Variants in MRGPRF observed in about 807,000 individuals in gnomAD.
MRGPRF encodes the protein mas-related G protein-coupled receptor member F.
In MRGPRF, 2 loss-of-function variants were observed where a neutral mutation model predicts 3.3. The ratio of observed to expected loss-of-function variants is 0.61; its 90% CI spans 0.25 to 1.92. The LOEUF is 1.92. Among genes scored for constraint, MRGPRF ranks in the 40% most tolerant of loss-of-function variants. The pLI is 0.16. For missense variants in MRGPRF, 500 were observed against 476.0 expected, an observed-to-expected ratio of 1.05 and a Z score of -0.47; for synonymous variants, 242 against 222.7, an observed-to-expected ratio of 1.09 and a Z score of -0.77.
rs1860638096 is a variant in MRGPRF, at chr11:69,013,150, C to T, written c.-124G>A. The stretch of plus-strand genomic sequence containing the variant: ...CTCTTCCTGTGACTCCCGCCTCCGG[C>T]CGGCGGACCCGCCGGGGCAGCAGGC... On this transcript the variant is annotated 5_prime_UTR_variant, in exon 1 of 3. Transcript: ENST00000309099. 1 of 152,522 alleles carries T rather than the reference C, an allele frequency of 6.6e-6. No individual in the cohort carries two copies. The highest frequency in any genetic ancestry group is 1.5e-5 in the Non-Finnish European group (1 of 68,222). 9.4% of individuals were successfully genotyped at this position (152,522 alleles called of 1,614,324 possible).
chr11:69,009,028 G>T (rs1414369472), intron 2 of MRGPRF, among the ~76,000 whole-genome samples: 2 of 152,190 alleles, frequency 1.3e-5, no homozygotes, highest in Non-Finnish European at 2.9e-5. Flanking sequence ...AGTTTCTGCA[G>T]ACTGCCTCAC....
chr11:69,009,772 G>GGGA (rs1860558131), intron 2 of MRGPRF, 82 bp downstream of exon 2: 1 of 1,493,000 alleles, frequency 6.7e-7, no homozygotes, highest in Non-Finnish European at 9.2e-7. Flanking sequence ...GGGGGGATGG[G>GGGA]GGAGGAGATG....
At chr11:69,007,666 C>T (rs781761994) in intron 2 of MRGPRF, among the ~76,000 whole-genome samples, 39 of 152,160 alleles carry the variant, frequency 2.6e-4, no homozygotes, top group Non-Finnish European at 4.6e-4. Flanking sequence ...TCAACAAACA[C>T]GAAACTATTT....
At chr11:69,010,151 G>A (rs184383887) in intron 1 of MRGPRF, among the ~76,000 whole-genome samples, 194 bp from the exon 2 acceptor site, 6 of 152,320 alleles carry the variant, frequency 3.9e-5, no homozygotes, top group Non-Finnish European at 5.9e-5. Flanking sequence ...CCTGGGGCAC[G>A]GCCCCCTCCT....
chr11:69,006,145 G>A lies in MRGPRF; in HGVS notation c.165C>T (p.Cys55=). 1 of 1,614,118 alleles carries A rather than the reference G, an allele frequency of 6.2e-7. No homozygotes were observed. The highest frequency in any genetic ancestry group is 1.1e-5 in the South Asian group (1 of 91,082). The change falls in exon 3 of 3, where the codon TGC becomes TGT. Residue 55 remains cysteine, a synonymous_variant. Transcript: ENST00000309099. ...GCCCGTTGCCCACCAGGCCACACAG[G>A]CAGAGGAGCAGGAAGATGTAGTTCA... is the stretch of plus-strand genomic sequence containing the variant. ...AVMNYIFLLL[C]LCGLVGNGLV... is the part of the protein sequence containing the mutation.
intron 1 of MRGPRF, among the ~76,000 whole-genome samples, chr11:69,011,834 C>A (rs1860603654): frequency 6.6e-6 from 1 of 152,232 alleles, no homozygotes; most frequent in Non-Finnish European, 1.5e-5. Context: ...TAGACCCCAG[C>A]CACACCAACT....
Position 69,005,999 on chromosome 11 carries a change from G to A in MRGPRF, c.311C>T (p.Thr104Met), listed in dbSNP as rs752674277. 2.6e-6 allele frequency: 4 copies of A among 1,566,918 alleles called. No homozygotes were observed. Among genetic ancestry groups the A allele is most frequent in the African/African-American group, 2.7e-5 (2 of 73,994 alleles). ...GGCAAACGTGCCCAGGAAGCCCCCCGTGTTCAGGATGGAGAACACCGCCTT... is the reference window on the plus strand; with the variant it reads ...GGCAAACGTGCCCAGGAAGCCCCCCATGTTCAGGATGGAGAACACCGCCTT... ...FSKAVFSILNTGGFLGTFADY... is the reference protein window; with the variant it reads ...FSKAVFSILNMGGFLGTFADY... Residue 104 changes from threonine (T) to methionine (M), a missense_variant, in exon 3 of 3, where the codon ACG becomes ATG. Coordinates refer to ENST00000309099, the MANE Select transcript of MRGPRF (RefSeq NM_145015.5).
chr11:69,009,662 C>CAGGAGGGT lies in MRGPRF; in HGVS notation c.48+184_48+191dup, dbSNP rs756457218. 1,869 of 711,434 alleles carry CAGGAGGGT rather than the reference C, an allele frequency of 2.6e-3. 3 individuals carry two copies. Among genetic ancestry groups the CAGGAGGGT allele is most frequent in the Non-Finnish European group, 3.9e-3 (1,536 of 396,250 alleles). The allele number at this position is 711,434 out of a possible 1,614,324, so 44.1% of individuals were successfully genotyped here. On this transcript the variant is annotated intron_variant, in intron 2 of 2. Transcript: ENST00000309099. ...CTGGTGCTTGCCTCACTGATGAGGA[C>CAGGAGGGT]AGGAGGGTAGGAGGGTCCAGGGAAC... is the stretch of plus-strand genomic sequence containing the variant.
rs1400583236 is a variant in MRGPRF, at chr11:69,005,287, G to T, written c.1023C>A (p.Asn341Lys). 1.3e-6 allele frequency: 2 copies of T among 1,498,418 alleles called. No individual in the cohort carries two copies. The highest frequency in any genetic ancestry group is 2.4e-5 in the East Asian group (1 of 41,184). 92.8% of individuals were successfully genotyped at this position (1,498,418 alleles called of 1,614,324 possible). Residue 341 changes from asparagine to lysine, a missense_variant, in exon 3 of 3, where the codon AAC becomes AAA. Asn to Lys is a moderately conservative substitution (Grantham distance 94, BLOSUM62 0). Transcript: ENST00000309099. ...VTMEMQCPPG[N>K]AS is the part of the protein sequence containing the mutation. ...TCCAGGCGCTGGAGTCTCAGGAGGCGTTCCCCGGGGGACACTGCATCTCCA... is the reference window on the plus strand; with the variant it reads ...TCCAGGCGCTGGAGTCTCAGGAGGCTTTCCCCGGGGGACACTGCATCTCCA...
At chr11:69,009,792 G>A in intron 2 of MRGPRF, 62 bp downstream of exon 2, 1 of 1,557,210 alleles carries the variant, frequency 6.4e-7, no homozygotes, top group Non-Finnish European at 8.8e-7. Context: ...GCTGGGCTGG[G>A]TCTGCCCCTC....
intron 1 of MRGPRF, among the ~76,000 whole-genome samples, chr11:69,011,126 A>T (rs918935207): frequency 2.6e-5 from 4 of 151,958 alleles, no homozygotes; most frequent in African/African-American, 9.7e-5. Flanking sequence ...GCCCGGCCTC[A>T]GCCAGCCACG....
chr11:69,006,209 G>A lies in MRGPRF; in HGVS notation c.101C>T (p.Thr34Ile). The change falls in exon 3 of 3, where the codon ACC becomes ATC. Residue 34 changes from threonine (T) to isoleucine (I), a missense_variant. Thr to Ile is a moderately conservative substitution (Grantham distance 89). Coordinates refer to ENST00000309099, the MANE Select transcript of MRGPRF (RefSeq NM_145015.5). ...APELYSRGFL[T>I]IEQIAMLPPP... ...CGGCAGCATCGCGATCTGCTCGATG[G>A]TCAGGAAGCCCCGGCTGTAGAGTTC... The A allele has an allele frequency of 6.2e-7, 1 of 1,613,626 alleles. No individual in the cohort carries two copies. Among genetic ancestry groups the A allele is most frequent in the Non-Finnish European group, 8.5e-7 (1 of 1,180,036 alleles).
intron 1 of MRGPRF, among the ~76,000 whole-genome samples, chr11:69,010,354 A>G (rs1382694211): frequency 6.6e-6 from 1 of 152,224 alleles, no homozygotes; most frequent in African/African-American, 2.4e-5. Context: ...TCGGTCCCAG[A>G]AGGAGGAGCA....
Position 69,005,796 on chromosome 11 carries a change from GGGACA to G in MRGPRF, c.509_513del (p.Leu170ProfsTer106), listed in dbSNP as rs760249051. ...TAGTTGTGCAGGCAGGTGACCAGGA[GGGACA>G]GGACCCACAGCAGGGCGCACACCAC... On this transcript the variant is annotated frameshift_variant, in exon 3 of 3. Coordinates refer to ENST00000309099, the MANE Select transcript of MRGPRF (RefSeq NM_145015.5). LOFTEE classifies it low-confidence loss of function (END_TRUNC). 6.5e-7 allele frequency: 1 copy of G among 1,538,278 alleles called. No individual in the cohort carries two copies. The highest frequency in any genetic ancestry group is 8.8e-7 in the Non-Finnish European group (1 of 1,141,002).
Position 69,005,830 on chromosome 11 carries a change from C to T in MRGPRF, c.480G>A (p.Ser160=), listed in dbSNP as rs1434556326. The change falls in exon 3 of 3, where the codon TCG becomes TCA. Residue 160 remains serine (S), a synonymous_variant. Transcript: ENST00000309099. The part of the protein sequence containing the change: ...WYWRRRPKRL[S]AVVCALLWVL... ...CCCACAGCAGGGCGCACACCACGGC[C>T]GACAGGCGCTTGGGCCGCCGGCGCC... is the stretch of plus-strand genomic sequence containing the variant. 7 of 1,532,714 alleles carry T rather than the reference C, an allele frequency of 4.6e-6. No homozygotes were observed. The highest frequency in any genetic ancestry group is 4.8e-5 in the East Asian group (2 of 41,600). The allele number at this position is 1,532,714 out of a possible 1,614,324, so 94.9% of individuals were successfully genotyped here.
Position 69,005,891 on chromosome 11 carries a change from TCGGCGCTGA to T in MRGPRF, c.410_418del (p.Val137_Ala139del). The T allele has an allele frequency of 3.2e-6, 5 of 1,570,514 alleles. No homozygotes were observed. Among genetic ancestry groups the T allele is most frequent in the Non-Finnish European group, 4.3e-6 (5 of 1,159,474 alleles). On this transcript the variant is annotated inframe_deletion, in exon 3 of 3. Coordinates refer to ENST00000309099, the MANE Select transcript of MRGPRF (RefSeq NM_145015.5). ...GGGGAAGATGACCGAGGCGCAGCGC[TCGGCGCTGA>T]CGGCCGGCAGGAGGCTCACGCCGGT...
In MRGPRF at chr11:69,009,921, G is replaced by T; in HGVS notation, c.-20C>A. On this transcript the variant is annotated 5_prime_UTR_variant, in exon 2 of 3. Transcript: ENST00000309099. ...AGCCATCTCCAGGCCTGGCGCGTCT[G>T]GGCCCCTGCTGGCAGCTCACCAGTC... 6.3e-7 allele frequency: 1 copy of T among 1,598,066 alleles called. No homozygotes were observed.
chr11:69,005,569 G>A lies in MRGPRF; in HGVS notation c.741C>T (p.Val247=). 6.3e-7 allele frequency: 1 copy of A among 1,585,726 alleles called. No homozygotes were observed. The highest frequency in any genetic ancestry group is 8.6e-7 in the Non-Finnish European group (1 of 1,166,474). The change falls in exon 3 of 3, where the codon GTC becomes GTT. Residue 247 remains valine, a synonymous_variant. Transcript: ENST00000309099. ...LNHVILAMVS[V]FLVSSIYLGI... is the part of the protein sequence containing the mutation. ...CTAAGTAGATGGAGGACACCAGGAA[G>A]ACGGAGACCATGGCCAGGATGACGT...
chr11:69,009,435 G>T lies in MRGPRF; in HGVS notation c.48+419C>A, dbSNP rs978607927. On this transcript the variant is annotated intron_variant, in intron 2 of 2. Transcript: ENST00000309099. Reference sequence around the variant, plus strand: ...CCTGGCCTGGGGCAACACTCTCGGGGTGGCCCAGGACCCCCTAGGCTCCAT... The same window carrying T: ...CCTGGCCTGGGGCAACACTCTCGGGTTGGCCCAGGACCCCCTAGGCTCCAT... The T allele has an allele frequency of 1.6e-5, 8 of 508,334 alleles. No individual in the cohort carries two copies. The South Asian group carries it at 2.6e-4, about 16-fold the overall frequency. 31.5% of individuals were successfully genotyped at this position (508,334 alleles called of 1,614,324 possible). A position where few individuals can be genotyped will look rare whatever the true frequency, so the allele number is the denominator to read the frequency against.
Sources: allele counts gnomAD v4.1 joint callset (sites outside exome capture counted in the v4.1 genomes callset), GRCh38; gene constraint gnomAD v4.1.1; transcripts MANE v1.5; gene names NCBI Gene and HGNC (gene_info 2026-07-23, HGNC 2026-07-21).